The following NID2 variants were observed in gnomAD, a reference collection of about 807,000 sequenced individuals.
NID2 encodes the protein nidogen-2.
NID2 carries 83 observed loss-of-function variants against 145.4 expected under a neutral mutation model. The observed-to-expected ratio is 0.57, with a 90% CI of 0.48 to 0.69. The LOEUF is 0.69. Among genes scored for constraint, NID2 ranks in the 30% least tolerant of loss-of-function variants. The pLI is 0.00. For missense variants in NID2, 1,807 were observed against 1,765.7 expected, an observed-to-expected ratio of 1.02 and a Z score of -0.42; for synonymous variants, 739 against 701.3, an observed-to-expected ratio of 1.05 and a Z score of -0.85.
At position 52,005,728 on chromosome 14, in the gene NID2, A is replaced by G. The variant is rs1445096625; in HGVS notation, c.4117+9T>C. ...AATTTAAAGGAGCATCCTAAAGCAT[A>G]CTTTTTACCTGTTGGGCAGTAGGGG... On this transcript the variant is annotated intron_variant, in intron 21 of 21. Coordinates refer to ENST00000216286, the MANE Select transcript of NID2 (RefSeq NM_007361.4). 1 of 1,602,632 alleles carries G rather than the reference A, an allele frequency of 6.2e-7. No individual in the cohort carries two copies. The highest frequency in any genetic ancestry group is 1.1e-5 in the South Asian group (1 of 90,810).
At chr14:52,066,443 C>T (rs1380233529) in intron 2 of NID2, among the ~76,000 whole-genome samples, 1 of 151,906 alleles carries the variant, frequency 6.6e-6, no homozygotes, top group African/African-American at 2.4e-5. Context: ...TTTTAAATAA[C>T]TAAGAGTGTA....
intron 5 of NID2, among the ~76,000 whole-genome samples, chr14:52,051,736 T>C (rs1419022186): frequency 6.6e-6 from 1 of 152,252 alleles, no homozygotes; most frequent in Non-Finnish European, 1.5e-5. Context: ...ATTTTTTTTG[T>C]CTAAGTTTCA....
chr14:52,006,717 T>C, intron 19 of NID2, 57 bp from the exon 20 acceptor site: 1 of 1,586,452 alleles, frequency 6.3e-7, no homozygotes, highest in East Asian at 2.2e-5. Flanking sequence ...AAAATGATAG[T>C]GACATAGTGA....
chr14:52,007,838 GAA>G lies in NID2; in HGVS notation c.3850_3851del (p.Phe1284LeufsTer2), dbSNP rs748829083. On this transcript the variant is annotated frameshift_variant, in exon 19 of 22. Transcript: ENST00000216286. LOFTEE classifies it high-confidence loss of function. ...GLPNGLTFDP[F>X]SKLLCWADAG... ...CATCTGCCCAGCAGAGCAGTTTAGA[GAA>G]AGGGTCAAAGGTTAAGCCATTGGGC... is the stretch of plus-strand genomic sequence containing the variant. The G allele has an allele frequency of 5.0e-6, 8 of 1,613,940 alleles. No homozygotes were observed. Among genetic ancestry groups the G allele is most frequent in the Non-Finnish European group, 6.8e-6 (8 of 1,179,926 alleles).
chr14:52,044,792 G>A (rs1892426826), intron 5 of NID2, among the ~76,000 whole-genome samples: 1 of 151,858 alleles, frequency 6.6e-6, no homozygotes, highest in Admixed American at 6.6e-5. Flanking sequence ...TTTTTGGTAG[G>A]GTGGGTTGGG....
chr14:52,067,952 G>A lies in NID2; in HGVS notation c.440C>T (p.Ser147Phe). 6.2e-7 allele frequency: 1 copy of A among 1,611,476 alleles called. No homozygotes were observed. The highest frequency in any genetic ancestry group is 2.2e-5 in the East Asian group (1 of 44,856). Residue 147 changes from serine (S) to phenylalanine (F), a missense_variant, in exon 2 of 22, where the codon TCT (serine) becomes TTT (phenylalanine). Transcript: ENST00000216286. Reference protein sequence around the residue: ...ARYVRAGFPRSARFTPTHAFL... With the variant: ...ARYVRAGFPRFARFTPTHAFL... ...GGCGTGGGTGGGGGTAAAGCGCGCA[G>A]AGCGCGGGAAGCCAGCGCGCACATA...
chr14:52,049,018 C>T (rs566342106), intron 5 of NID2, among the ~76,000 whole-genome samples: 21 of 152,220 alleles, frequency 1.4e-4, no homozygotes, highest in African/African-American at 4.6e-4. Context: ...GCTCCTGCCA[C>T]GGAGAGTCAG....
chr14:52,053,000 G>A (rs561890135), intron 5 of NID2, among the ~76,000 whole-genome samples: 1 of 152,314 alleles, frequency 6.6e-6, no homozygotes, highest in South Asian at 2.1e-4. Flanking sequence ...GCTCCAGGGA[G>A]GTTCATGCCA....
chr14:52,025,953 C>T (rs537874675), intron 12 of NID2, among the ~76,000 whole-genome samples: 1 of 152,320 alleles, frequency 6.6e-6, no homozygotes, highest in South Asian at 2.1e-4. Flanking sequence ...AACTGAGCCA[C>T]GGCTTTGGGT....
chr14:52,054,040 A>G lies in NID2; in HGVS notation c.1049T>C (p.Val350Ala). Residue 350 changes from valine (V) to alanine (A), a missense_variant, in exon 4 of 22, where the codon GTG (valine) becomes GCG (alanine). Transcript: ENST00000216286. The part of the protein sequence containing the change: ...SSIDVSFQSK[V>A]DTKPLEESST... ...CCTACCCTCTAAAGGCTTTGTATCCACTTTGGATTGGAAGGAAACATCAAT... is the reference window on the plus strand; with the variant it reads ...CCTACCCTCTAAAGGCTTTGTATCCGCTTTGGATTGGAAGGAAACATCAAT... 1 of 1,614,104 alleles carries G rather than the reference A, an allele frequency of 6.2e-7. No individual in the cohort carries two copies. The highest frequency in any genetic ancestry group is 1.3e-5 in the African/African-American group (1 of 75,050).
At chr14:52,063,147 A>C (rs1257033023) in intron 2 of NID2, among the ~76,000 whole-genome samples, 1 of 152,208 alleles carries the variant, frequency 6.6e-6, no homozygotes, top group Non-Finnish European at 1.5e-5. Flanking sequence ...TCCCCCTCTC[A>C]AAAAACTCCT....
chr14:52,028,588 T>C, intron 11 of NID2, 134 bp downstream of exon 11: 2 of 1,037,002 alleles, frequency 1.9e-6, no homozygotes, highest in Non-Finnish European at 2.7e-6. Context: ...TTGGGTTATT[T>C]TGATGTAAAC....
intron 2 of NID2, among the ~76,000 whole-genome samples, chr14:52,063,997 T>C (rs1264187775): frequency 6.6e-6 from 1 of 152,222 alleles, no homozygotes; most frequent in African/African-American, 2.4e-5. Context: ...CCAATTTCCA[T>C]ATATGTCTCT....
chr14:52,007,174 G>A (rs528430663), intron 19 of NID2: 1 of 153,276 alleles, frequency 6.5e-6, no homozygotes, highest in East Asian at 1.9e-4. Flanking sequence ...GAATTTCCAA[G>A]TTTCACATTT....
At position 52,015,254 on chromosome 14, in the gene NID2, G is replaced by A. The variant is rs1258832378; in HGVS notation, c.3050C>T (p.Thr1017Ile). The stretch of plus-strand genomic sequence containing the variant: ...GTTTTCCCTCCAGCGCTCACAGATG[G>A]TCGGGGGCCTCTGGGTGGGCTCTGA... ...PSPEPTQRPP[T>I]ICERWRENLL... is the part of the protein sequence containing the mutation. The change falls in exon 15 of 22, where the codon ACC becomes ATC. Residue 1017 changes from threonine (T) to isoleucine (I), a missense_variant. Physicochemically the swap from Thr to Ile is moderately conservative, Grantham distance 89. Transcript: ENST00000216286. The A allele has an allele frequency of 1.9e-6, 3 of 1,611,806 alleles. No individual in the cohort carries two copies. The African/African-American group carries it at 4.0e-5, about 22-fold the overall frequency.
intron 12 of NID2, among the ~76,000 whole-genome samples, chr14:52,021,693 G>A (rs1229961367): frequency 2.6e-5 from 4 of 152,186 alleles, no homozygotes; most frequent in Non-Finnish European, 5.9e-5. Context: ...CTCCACCCAG[G>A]TGAGTGGTTG....
At position 52,042,774 on chromosome 14, in the gene NID2, T is replaced by C. The variant is rs373324660; in HGVS notation, c.1579+8A>G. 1 of 1,613,934 alleles carries C rather than the reference T, an allele frequency of 6.2e-7. No individual in the cohort carries two copies. The highest frequency in any genetic ancestry group is 8.5e-7 in the Non-Finnish European group (1 of 1,179,896). On this transcript the variant is annotated splice_region_variant and intron_variant, in intron 6 of 21. Coordinates refer to ENST00000216286, the MANE Select transcript of NID2 (RefSeq NM_007361.4). ...GACACACAGGAGTTCCTGGCCCCAG[T>C]CAATTACCTTCAGGCAGACAGTGCT...
intron 9 of NID2, among the ~76,000 whole-genome samples, chr14:52,035,664 A>G (rs1892034461): frequency 6.6e-6 from 1 of 150,914 alleles, no homozygotes; most frequent in Non-Finnish European, 1.5e-5. Flanking sequence ...TTTTGTTTCT[A>G]CTACTATTTG....
chr14:52,026,993 C>A (rs1467867241), intron 12 of NID2, among the ~76,000 whole-genome samples: 4 of 152,206 alleles, frequency 2.6e-5, no homozygotes, highest in Non-Finnish European at 5.9e-5. Context: ...GCCAAGGAAG[C>A]CATATATGCT....
Sources: allele counts gnomAD v4.1 joint callset (sites outside exome capture counted in the v4.1 genomes callset), GRCh38; gene constraint gnomAD v4.1.1; transcripts MANE v1.5; gene names NCBI Gene and HGNC (gene_info 2026-07-23, HGNC 2026-07-21).